The following SLC25A48 variants were observed in gnomAD, a reference collection of about 807,000 sequenced individuals.
SLC25A48 encodes solute carrier family 25 member 48, also known as CTC-321K16.1.
In SLC25A48, 29 loss-of-function variants were observed where a neutral mutation model predicts 32.2. That is an observed-to-expected ratio of 0.90 (90% CI 0.67 to 1.23). SLC25A48 has a LOEUF of 1.23. SLC25A48 is among the 50% of genes most tolerant of loss of function. SLC25A48 has a pLI of 0.00. For synonymous variants in SLC25A48, 164 were observed against 172.3 expected, an observed-to-expected ratio of 0.95 and a Z score of 0.38; for missense variants, 399 against 422.7, an observed-to-expected ratio of 0.94 and a Z score of 0.49.
intron 3 of SLC25A48, among the ~76,000 whole-genome samples, chr5:135,793,636 T>C (rs2126635366): frequency 6.6e-6 from 1 of 151,974 alleles, no homozygotes; most frequent in East Asian, 1.9e-4. Flanking sequence ...GAGATATTAC[T>C]CTCCTAATGT....
At chr5:135,580,075 A>G (rs542257499) in intron 1 of SLC25A48, among the ~76,000 whole-genome samples, 2 of 152,286 alleles carry the variant, frequency 1.3e-5, no homozygotes, top group South Asian at 4.1e-4. Context: ...TTTATCTATT[A>G]CTTTGATTCT....
At chr5:135,815,661 A>G (rs1243142533) in intron 4 of SLC25A48, among the ~76,000 whole-genome samples, 1 of 152,160 alleles carries the variant, frequency 6.6e-6, no homozygotes, top group Non-Finnish European at 1.5e-5. Flanking sequence ...AATTAGTTCT[A>G]TCCATCCATG....
intron 3 of SLC25A48, among the ~76,000 whole-genome samples, chr5:135,689,351 C>G (rs1267262523): frequency 1.3e-5 from 2 of 152,178 alleles, no homozygotes; most frequent in East Asian, 1.9e-4. Flanking sequence ...GACCCTCCTT[C>G]TACAGCCCAT....
chr5:135,582,513 A>G (rs891867285), intron 1 of SLC25A48, among the ~76,000 whole-genome samples: 1 of 152,154 alleles, frequency 6.6e-6, no homozygotes, highest in Non-Finnish European at 1.5e-5. Flanking sequence ...GGAATTAACC[A>G]GTGACCACAG....
chr5:135,586,307 G>A (rs1317784347), intron 1 of SLC25A48, among the ~76,000 whole-genome samples: 1 of 152,168 alleles, frequency 6.6e-6, no homozygotes, highest in Non-Finnish European at 1.5e-5. Flanking sequence ...TCCCTGGAGG[G>A]CATCCCAGAG....
intron 3 of SLC25A48, among the ~76,000 whole-genome samples, chr5:135,667,445 A>T (rs1181848950): frequency 2.0e-5 from 3 of 152,176 alleles, no homozygotes; most frequent in Non-Finnish European, 4.4e-5. Context: ...ACTCCCGAAC[A>T]GTAACAACCA....
At chr5:135,776,273 T>C (rs10037704) in intron 3 of SLC25A48, among the ~76,000 whole-genome samples, 24,966 of 124,246 alleles carry the variant, frequency 0.2, 4,661 homozygotes, top group African/African-American at 0.53. Context: ...ATCTGGGGGG[T>C]GGGGGGCAGA....
intron 1 of SLC25A48, among the ~76,000 whole-genome samples, chr5:135,615,637 G>C (rs775128106): frequency 2.0e-5 from 3 of 152,174 alleles, no homozygotes; most frequent in Admixed American, 2.0e-4. Flanking sequence ...TTTGCAGCCC[G>C]GCCGTATGGT....
chr5:135,820,686 G>T (rs1385197584), intron 4 of SLC25A48, among the ~76,000 whole-genome samples: 1 of 152,224 alleles, frequency 6.6e-6, no homozygotes. Context: ...GTCTATTTTG[G>T]TATTTCAAAT....
intron 3 of SLC25A48, among the ~76,000 whole-genome samples, chr5:135,639,555 G>A (rs1286362489): frequency 6.6e-6 from 1 of 152,136 alleles, no homozygotes; most frequent in Admixed American, 6.5e-5. Flanking sequence ...GGGTTTGGGA[G>A]CTTAATATAA....
intron 3 of SLC25A48, among the ~76,000 whole-genome samples, chr5:135,676,388 C>A (rs541538192): frequency 6.6e-6 from 1 of 151,848 alleles, no homozygotes; most frequent in Non-Finnish European, 1.5e-5. Context: ...ATTGGTCACT[C>A]TAACTATTGG....
At chr5:135,597,759 T>A (rs1013337008) in intron 1 of SLC25A48, among the ~76,000 whole-genome samples, 11 of 152,196 alleles carry the variant, frequency 7.2e-5, no homozygotes, top group Non-Finnish European at 1.6e-4. Context: ...ACACTAGTAC[T>A]TTAGGAGGCA....
intron 1 of SLC25A48, among the ~76,000 whole-genome samples, chr5:135,599,114 T>C (rs1751727305): frequency 6.6e-6 from 1 of 152,126 alleles, no homozygotes; most frequent in Admixed American, 6.5e-5. Context: ...ATTCAGTTGG[T>C]TCGGGGGCTT....
chr5:135,595,445 A>T (rs1304657755), intron 1 of SLC25A48, among the ~76,000 whole-genome samples: 1 of 152,168 alleles, frequency 6.6e-6, no homozygotes, highest in Non-Finnish European at 1.5e-5. Context: ...CTTCCAATGG[A>T]CAGACACCAC....
At chr5:135,758,820 A>G (rs1321842686) in intron 3 of SLC25A48, among the ~76,000 whole-genome samples, 1 of 150,794 alleles carries the variant, frequency 6.6e-6, no homozygotes. Context: ...GTGTTAACAC[A>G]CTATGATATT....
chr5:135,806,275 G>A (rs950284301), intron 3 of SLC25A48, among the ~76,000 whole-genome samples: 2 of 151,230 alleles, frequency 1.3e-5, no homozygotes, highest in African/African-American at 2.4e-5. Flanking sequence ...TGGCTATAAC[G>A]GATATCATGG....
chr5:135,782,635 T>A (rs567435991), intron 3 of SLC25A48, among the ~76,000 whole-genome samples: 1 of 116,534 alleles, frequency 8.6e-6, no homozygotes, highest in African/African-American at 2.6e-5. Context: ...ACTCCCACTA[T>A]CGAAAAGGCT....
chr5:135,882,614 T>TC (rs1369016069), intron 7 of SLC25A48, among the ~76,000 whole-genome samples: 3 of 152,028 alleles, frequency 2.0e-5, no homozygotes, highest in African/African-American at 2.4e-5. Flanking sequence ...CATGGAGATA[T>TC]CCCCCAGCTT....
chr5:135,611,119 AAAG>A (rs1752053756), intron 1 of SLC25A48, among the ~76,000 whole-genome samples: 1 of 152,246 alleles, frequency 6.6e-6, no homozygotes, highest in Admixed American at 6.5e-5. Flanking sequence ...AAATCTGTTT[AAAG>A]AAGACAGAAG....
Sources: gnomAD v4.1 joint callset for allele counts (sites outside exome capture counted in the v4.1 genomes callset) on GRCh38, gnomAD v4.1.1 for gene constraint, MANE v1.5 for transcripts, NCBI Gene and HGNC (gene_info 2026-07-23, HGNC 2026-07-21) for gene names.